The following USP48 variants were observed in gnomAD, a reference collection of about 807,000 sequenced individuals.
USP48 encodes the protein ubiquitin specific peptidase 48.
A neutral mutation model predicts 150.7 loss-of-function variants in USP48; 43 were observed. The ratio of observed to expected loss-of-function variants is 0.29; its 90% confidence interval spans 0.22 to 0.37. The LOEUF is 0.37. Ranked by LOEUF, USP48 falls within the 10% of genes least tolerant of loss-of-function variation. The probability of loss-of-function intolerance (pLI) is 1.00; values close to 1 mark genes in which losing one functional copy is unlikely to be tolerated. For synonymous variants in USP48, 396 were observed against 425.9 expected, an observed-to-expected ratio of 0.93 and a Z score of 0.86; for missense variants, 813 against 1,249.6, an observed-to-expected ratio of 0.65 and a Z score of 5.27.
At chr1:21,700,858 C>T (rs998822315) in intron 22 of USP48, among the ~76,000 whole-genome samples, 5 of 151,062 alleles carry the variant, frequency 3.3e-5, no homozygotes, top group South Asian at 2.1e-4. Context: ...AGGATCATGA[C>T]ATCAGGAGTT....
At chr1:21,729,182 C>T (rs990467612) in intron 10 of USP48, among the ~76,000 whole-genome samples, 3 of 151,680 alleles carry the variant, frequency 2.0e-5, no homozygotes, top group African/African-American at 7.3e-5. Context: ...ACTCGGGAGG[C>T]TGAGGCACAG....
intron 8 of USP48, among the ~76,000 whole-genome samples, chr1:21,738,978 T>C (rs1453340992): frequency 1.3e-5 from 2 of 152,174 alleles, no homozygotes; most frequent in East Asian, 3.8e-4. Flanking sequence ...AAAATATTTT[T>C]AAATCTTTCT....
chr1:21,701,651 C>G, intron 21 of USP48, 49 bp from the exon 22 acceptor site: 4 of 1,548,730 alleles, frequency 2.6e-6, no homozygotes, highest in Non-Finnish European at 3.6e-6. Context: ...CCTAGGAAGG[C>G]AGGCTATGGA....
rs954769574 is a variant in USP48, at chr1:21,759,119, T to C, written c.135-1336A>G. Among the ~76,000 whole-genome samples, 28 of 134,776 alleles carry C rather than the reference T, an allele frequency of 2.1e-4. No homozygotes were observed. In the Admixed American group the frequency reaches 2.4e-3, roughly 11 times the overall value. The allele number at this position is 134,776 out of a possible 152,430, so 88.4% of individuals were successfully genotyped here. On this transcript the variant is annotated intron_variant, in intron 1 of 26. Coordinates refer to ENST00000308271, the MANE Select transcript of USP48 (RefSeq NM_032236.8). Reference sequence around the variant, plus strand: ...ATTGCTTGAACCCAGGAGGCGGAGGTTGCAGTGAGCCAAGATCGTGCCACT... The same window carrying C: ...ATTGCTTGAACCCAGGAGGCGGAGGCTGCAGTGAGCCAAGATCGTGCCACT...
chr1:21,707,894 A>T (rs333169), intron 15 of USP48, among the ~76,000 whole-genome samples: 116,725 of 152,136 alleles, frequency 0.77, 46,310 homozygotes, highest in Non-Finnish European at 0.87. Flanking sequence ...CCAGGCACAG[A>T]GGCTTGCTCC....
intron 1 of USP48, 134 bp downstream of exon 1, chr1:21,782,690 G>A (rs2152667249): frequency 1.5e-6 from 2 of 1,337,116 alleles, no homozygotes; most frequent in Non-Finnish European, 1.9e-6. Context: ...GGCGCAAAGG[G>A]GGAAACTCCA....
intron 22 of USP48, among the ~76,000 whole-genome samples, chr1:21,698,960 A>G (rs2097646173): frequency 6.6e-6 from 1 of 152,144 alleles, no homozygotes; most frequent in Non-Finnish European, 1.5e-5. Flanking sequence ...TAACTAAAAC[A>G]TACGGTACTG....
intron 9 of USP48, among the ~76,000 whole-genome samples, chr1:21,735,568 C>T (rs1048489325): frequency 2.2e-4 from 34 of 152,146 alleles, no homozygotes; most frequent in African/African-American, 7.7e-4. Context: ...CTGGCCAACA[C>T]AGTGAAACCC....
At position 21,695,234 on chromosome 1, in the gene USP48, T is replaced by A; in HGVS notation, c.2728-13A>T. 1 of 1,590,236 alleles carries A rather than the reference T, an allele frequency of 6.3e-7. No individual in the cohort carries two copies. The highest frequency in any genetic ancestry group is 8.5e-7 in the Non-Finnish European group (1 of 1,169,722). ...TTCCACCATTGCTCTATAATGAAGA[T>A]TGGAAATGAAGAAAGCACTGAAATT... On this transcript the variant is annotated splice_polypyrimidine_tract_variant and intron_variant, in intron 22 of 26. Transcript: ENST00000308271.
intron 22 of USP48, among the ~76,000 whole-genome samples, chr1:21,699,648 G>A (rs1395156349): frequency 6.6e-6 from 1 of 151,532 alleles, no homozygotes; most frequent in East Asian, 1.9e-4. Context: ...TGAGTAGCTG[G>A]GACTACAAGT....
At chr1:21,692,337 C>A (rs1230695392) in intron 23 of USP48, among the ~76,000 whole-genome samples, 2 of 152,056 alleles carry the variant, frequency 1.3e-5, no homozygotes, top group Non-Finnish European at 2.9e-5. Context: ...AGAGGCATAT[C>A]CAGCCCTACA....
At chr1:21,749,313 T>C (rs1361816691) in intron 6 of USP48, among the ~76,000 whole-genome samples, 1 of 152,110 alleles carries the variant, frequency 6.6e-6, no homozygotes, top group Non-Finnish European at 1.5e-5. Context: ...TGCTCCTACC[T>C]CCCTGATCCC....
At chr1:21,728,823 G>A in intron 10 of USP48, 104 bp from the exon 11 acceptor site, 1 of 1,372,660 alleles carries the variant, frequency 7.3e-7, no homozygotes, top group African/African-American at 1.5e-5. Flanking sequence ...AACATTGGCA[G>A]AAATTCCAAC....
intron 11 of USP48, chr1:21,728,074 T>G (rs2097744472): frequency 5.1e-6 from 5 of 985,624 alleles, no homozygotes; most frequent in Non-Finnish European, 6.0e-6. Context: ...GGGATATTTC[T>G]AAGAAATCAG....
intron 5 of USP48, 40 bp from the exon 6 acceptor site, chr1:21,751,655 G>A (rs954595986): frequency 6.7e-7 from 1 of 1,491,078 alleles, no homozygotes; most frequent in African/African-American, 1.4e-5. Flanking sequence ...ATCAGAGTGT[G>A]AAAAGCAACA....
At chr1:21,768,421 A>G (rs538275401) in intron 1 of USP48, 1 of 153,034 alleles carries the variant, frequency 6.5e-6, no homozygotes, top group African/African-American at 2.4e-5. Flanking sequence ...CTGCCCTCAC[A>G]CAGAACCACA....
At position 21,782,805 on chromosome 1, in the gene USP48, C is replaced by G. The variant is rs558941838; in HGVS notation, c.134+19G>C. On this transcript the variant is annotated intron_variant, in intron 1 of 26. Transcript: ENST00000308271. ...GGTCCGGCGCGAGGAGCCCGCGAGGCGCGGTGCGCGGGCCTCACCTGCACA... is the reference window on the plus strand; with the variant it reads ...GGTCCGGCGCGAGGAGCCCGCGAGGGGCGGTGCGCGGGCCTCACCTGCACA... The G allele has an allele frequency of 2.8e-5, 42 of 1,513,790 alleles. No homozygotes were observed. The highest frequency in any genetic ancestry group is 3.6e-5 in the Non-Finnish European group (41 of 1,131,494). 93.8% of individuals were successfully genotyped at this position (1,513,790 alleles called of 1,614,324 possible).
chr1:21,746,947 C>T, intron 8 of USP48, 120 bp downstream of exon 8: 1 of 704,440 alleles, frequency 1.4e-6, no homozygotes, highest in Non-Finnish European at 2.3e-6. Flanking sequence ...GACAGAGGTT[C>T]CCAGAGAGAG....
At chr1:21,688,287 C>T (rs1253859462) in intron 24 of USP48, among the ~76,000 whole-genome samples, 5 of 151,962 alleles carry the variant, frequency 3.3e-5, no homozygotes, top group South Asian at 2.1e-4. Flanking sequence ...GGCGCAATCT[C>T]GGCTCACTGC....
Sources: gnomAD v4.1 joint callset for allele counts (sites outside exome capture counted in the v4.1 genomes callset) on GRCh38, gnomAD v4.1.1 for gene constraint, MANE v1.5 for transcripts, NCBI Gene and HGNC (gene_info 2026-07-23, HGNC 2026-07-21) for gene names.